The following MECOM variants were observed in gnomAD, a reference collection of about 807,000 sequenced individuals.
MECOM encodes the protein MDS1 and EVI1 complex locus.
Under a neutral mutation model 116.3 loss-of-function variants are expected in MECOM, and 13 were observed. The ratio of observed to expected loss-of-function variants is 0.11; its 90% CI spans 0.07 to 0.18. The LOEUF is 0.18. MECOM is among the 10% of genes least tolerant of loss of function. The pLI, the probability that MECOM is intolerant of heterozygous loss-of-function variation, is 1.00. For missense variants in MECOM, 1,299 were observed against 1,509.0 expected, an observed-to-expected ratio of 0.86 and a Z score of 2.31; for synonymous variants, 528 against 535.2, an observed-to-expected ratio of 0.99 and a Z score of 0.19.
At chr3:169,164,703 A>G (rs1214609363) in intron 2 of MECOM, among the ~76,000 whole-genome samples, 3 of 152,180 alleles carry the variant, frequency 2.0e-5, no homozygotes, top group Admixed American at 2.0e-4. Flanking sequence ...CATAAAATGT[A>G]TGCTAATAAA....
At chr3:169,355,326 G>A (rs1480146034) in intron 2 of MECOM, among the ~76,000 whole-genome samples, 1 of 151,936 alleles carries the variant, frequency 6.6e-6, no homozygotes, top group Non-Finnish European at 1.5e-5. Context: ...GTATGTTAAT[G>A]TCCTTGGTGA....
chr3:169,305,327 A>G (rs1348541521), intron 2 of MECOM, among the ~76,000 whole-genome samples: 4 of 152,208 alleles, frequency 2.6e-5, no homozygotes, highest in Non-Finnish European at 5.9e-5. Context: ...GGTAGGTGTA[A>G]CAAGTCATCA....
intron 1 of MECOM, among the ~76,000 whole-genome samples, chr3:169,485,142 G>A (rs1448117969): frequency 1.3e-5 from 2 of 151,996 alleles, no homozygotes; most frequent in Non-Finnish European, 2.9e-5. Context: ...TTACAGGCAT[G>A]CACCACCACG....
intron 1 of MECOM, among the ~76,000 whole-genome samples, chr3:169,592,226 G>T (rs925236757): frequency 6.6e-6 from 1 of 152,174 alleles, no homozygotes; most frequent in Non-Finnish European, 1.5e-5. Context: ...CAGGGTGTCT[G>T]CTGTTCACAA....
Position 169,367,349 on chromosome 3 carries a change from A to ATT in MECOM, c.375+13836_375+13837dup, listed in dbSNP as rs3980666. On this transcript the variant is annotated intron_variant, in intron 2 of 16. Coordinates refer to ENST00000651503, the MANE Select transcript of MECOM (RefSeq NM_004991.4). ...TAGAAAAGATGTGATTTGGTTTTTAATTTTTTTTTTGTGGGGGTAGGCAGA... is the reference window on the plus strand; with the variant it reads ...TAGAAAAGATGTGATTTGGTTTTTAATTTTTTTTTTTTGTGGGGGTAGGCAGA... Among the ~76,000 whole-genome samples, 416 of 150,350 alleles carry ATT rather than the reference A, an allele frequency of 2.8e-3. 2 individuals are homozygous for ATT. The highest frequency in any genetic ancestry group is 6.9e-3 in the African/African-American group (285 of 41,102).
chr3:169,366,548 G>A (rs1729192314), intron 2 of MECOM, among the ~76,000 whole-genome samples: 1 of 151,968 alleles, frequency 6.6e-6, no homozygotes, highest in African/African-American at 2.4e-5. Flanking sequence ...TCCCTTAGGT[G>A]AGGCTTCCAG....
At chr3:169,261,188 G>A (rs1448344122) in intron 2 of MECOM, among the ~76,000 whole-genome samples, 2 of 151,610 alleles carry the variant, frequency 1.3e-5, no homozygotes, top group Non-Finnish European at 2.9e-5. Flanking sequence ...TTACTGTAAG[G>A]GACAAACTGA....
chr3:169,641,121 G>A (rs1269560574), intron 1 of MECOM, among the ~76,000 whole-genome samples: 2 of 152,180 alleles, frequency 1.3e-5, no homozygotes, highest in African/African-American at 2.4e-5. Context: ...AAACAGGATG[G>A]TGGCAGAAAA....
intron 1 of MECOM, among the ~76,000 whole-genome samples, chr3:169,528,224 T>C (rs574533190): frequency 2.0e-5 from 3 of 152,308 alleles, no homozygotes; most frequent in African/African-American, 7.2e-5. Flanking sequence ...GATATAAATG[T>C]AACCCAATGA....
chr3:169,102,201 T>C lies in MECOM; in HGVS notation c.2630A>G (p.Glu877Gly). Residue 877 changes from glutamate (E) to glycine (G), a missense_variant, in exon 11 of 17, where the codon GAA becomes GGA. Glu to Gly is a moderately conservative substitution (Grantham distance 98). This residue lies in a region of MECOM where 340 missense variants were observed against 312.6 expected (regional missense o/e 1.09). Transcript: ENST00000651503. Reference protein sequence around the residue: ...TWMSAIENMAEKLESFSALKP... With the variant: ...TWMSAIENMAGKLESFSALKP... The stretch of plus-strand genomic sequence containing the variant: ...CAGGGCACTGAAGCTCTCTAGCTTT[T>C]CTGCCATGTTTTCAATAGCTGACAT... The C allele has an allele frequency of 2.5e-6, 4 of 1,613,358 alleles. No individual in the cohort carries two copies. The highest frequency in any genetic ancestry group is 3.4e-6 in the Non-Finnish European group (4 of 1,179,534).
chr3:169,253,473 C>T (rs971591693), intron 2 of MECOM, among the ~76,000 whole-genome samples: 15 of 151,118 alleles, frequency 9.9e-5, no homozygotes, highest in Middle Eastern at 6.9e-3. Flanking sequence ...ATATTAATTA[C>T]CATGACCTTA....
At chr3:169,429,763 A>C (rs1249814673) in intron 1 of MECOM, among the ~76,000 whole-genome samples, 2 of 152,166 alleles carry the variant, frequency 1.3e-5, no homozygotes, top group Non-Finnish European at 2.9e-5. Flanking sequence ...TCTCCATGTC[A>C]TTATTGGCCA....
At chr3:169,317,696 G>A (rs1419104999) in intron 2 of MECOM, among the ~76,000 whole-genome samples, 2 of 152,152 alleles carry the variant, frequency 1.3e-5, no homozygotes, top group Admixed American at 1.3e-4. Flanking sequence ...AATGCTTAGT[G>A]GGTCTAATTT....
intron 10 of MECOM, among the ~76,000 whole-genome samples, chr3:169,106,795 C>T (rs1725584595): frequency 6.6e-6 from 1 of 152,078 alleles, no homozygotes; most frequent in South Asian, 2.1e-4. Context: ...CAAGACAGAT[C>T]TCTACCAGGA....
chr3:169,460,954 T>C (rs889950861), intron 1 of MECOM, among the ~76,000 whole-genome samples: 2 of 152,208 alleles, frequency 1.3e-5, no homozygotes, highest in Admixed American at 1.3e-4. Flanking sequence ...AGGGCCTTTT[T>C]GGAAAATAAT....
chr3:169,604,548 A>G (rs375280091), intron 1 of MECOM, among the ~76,000 whole-genome samples: 5 of 152,178 alleles, frequency 3.3e-5, no homozygotes, highest in African/African-American at 1.2e-4. Flanking sequence ...GGACTTGTGC[A>G]GGGAAGAGCT....
At chr3:169,650,227 A>G (rs1457449859) in intron 1 of MECOM, among the ~76,000 whole-genome samples, 2 of 152,220 alleles carry the variant, frequency 1.3e-5, no homozygotes, top group Non-Finnish European at 2.9e-5. Flanking sequence ...CCCAGTGAAA[A>G]ACATTTTTCT....
intron 1 of MECOM, among the ~76,000 whole-genome samples, chr3:169,404,492 T>C (rs1332647823): frequency 1.3e-5 from 2 of 152,152 alleles, no homozygotes; most frequent in Non-Finnish European, 2.9e-5. Flanking sequence ...CAGCCAAACA[T>C]AAAGCAGAGA....
rs1739434675 is a variant in MECOM at position 169,145,174 on chromosome 3, AC to A, written c.376-1343del. 1.0e-5 allele frequency: 5 copies of A among 484,930 alleles called. No individual in the cohort carries two copies. The Admixed American group carries it at 2.2e-4, about 21-fold the overall frequency. The allele number at this position is 484,930 out of a possible 1,614,324, so 30.0% of individuals were successfully genotyped here. A position where few individuals can be genotyped will look rare whatever the true frequency, so the allele number is the denominator to read the frequency against. ...CACACACACACACACACACACACAC[AC>A]ACACACACACACACAGAGAGAAATC... On this transcript the variant is annotated intron_variant, in intron 2 of 16. Coordinates refer to ENST00000651503, the MANE Select transcript of MECOM (RefSeq NM_004991.4).
Sources: gnomAD v4.1 joint callset for allele counts (sites outside exome capture counted in the v4.1 genomes callset) on GRCh38, gnomAD v4.1.1 for gene constraint, gnomAD v4.1.1 regional missense constraint, MANE v1.5 for transcripts, NCBI Gene and HGNC (gene_info 2026-07-23, HGNC 2026-07-21) for gene names.